The following STARD4 variants were observed in gnomAD, a reference collection of about 807,000 sequenced individuals.
The protein encoded by STARD4 is StAR related lipid transfer domain containing 4.
A neutral mutation model predicts 24.9 loss-of-function variants in STARD4; 33 were observed. That is an observed-to-expected ratio of 1.32 (90% CI 1.00 to 1.77). The LOEUF (loss-of-function observed/expected upper bound fraction) is 1.77. Ranked by LOEUF, STARD4 falls within the 40% of genes most tolerant of loss-of-function variation. The pLI, the probability that STARD4 is intolerant of heterozygous loss-of-function variation, is 0.00. For synonymous variants in STARD4, 88 were observed against 77.4 expected (o/e 1.14, Z -0.72); for missense variants, 238 against 249.3 (o/e 0.95, Z 0.31).
rs575673383 is a variant in STARD4, at chr5:111,497,748, C to A, written c.*2138G>T. The A allele has an allele frequency of 6.6e-6, 1 of 152,084 alleles. No homozygotes were observed. Among genetic ancestry groups the A allele is most frequent in the East Asian group, 1.9e-4 (1 of 5,188 alleles). 9.4% of individuals were successfully genotyped at this position (152,084 alleles called of 1,614,324 possible). A position where few individuals can be genotyped will look rare whatever the true frequency, so the allele number is the denominator to read the frequency against. ...CGGACTCAATTATTTATGTTAATAT[C>A]CATCCCAACCCACATCATTAAGCTT... On this transcript the variant is annotated 3_prime_UTR_variant, in exon 6 of 6. Coordinates refer to ENST00000296632, the MANE Select transcript of STARD4 (RefSeq NM_139164.3).
rs950467528 is a variant in STARD4 at position 111,498,219 on chromosome 5, T to A, written c.*1667A>T. The A allele has an allele frequency of 5.3e-5, 8 of 151,968 alleles. No individual in the cohort carries two copies. Among genetic ancestry groups the A allele is most frequent in the Non-Finnish European group, 1.2e-4 (8 of 67,920 alleles). 9.4% of individuals were successfully genotyped at this position (151,968 alleles called of 1,614,324 possible). A position where few individuals can be genotyped will look rare whatever the true frequency, so the allele number is the denominator to read the frequency against. ...ATTCATCATTCTCACAGTGAAAATGTTTCCATGAGGGTAATTTTACCTAGA... is the reference window on the plus strand; with the variant it reads ...ATTCATCATTCTCACAGTGAAAATGATTCCATGAGGGTAATTTTACCTAGA... On this transcript the variant is annotated 3_prime_UTR_variant, in exon 6 of 6. Transcript: ENST00000296632.
At position 111,496,128 on chromosome 5, in the gene STARD4, ATATTC is replaced by A. The variant is rs1353856616; in HGVS notation, c.*3753_*3757del. The stretch of plus-strand genomic sequence containing the variant: ...CTAATACATATTATTAGTTTAATAA[ATATTC>A]TAGTTTTACATATTGGTTCACAAAA... On this transcript the variant is annotated 3_prime_UTR_variant, in exon 6 of 6. Coordinates refer to ENST00000296632, the MANE Select transcript of STARD4 (RefSeq NM_139164.3). The A allele has an allele frequency of 6.6e-6, 1 of 152,038 alleles. No individual in the cohort carries two copies. The highest frequency in any genetic ancestry group is 1.5e-5 in the Non-Finnish European group (1 of 67,968). 9.4% of individuals were successfully genotyped at this position (152,038 alleles called of 1,614,324 possible). A position where few individuals can be genotyped will look rare whatever the true frequency, so the allele number is the denominator to read the frequency against.
intron 5 of STARD4, 132 bp downstream of exon 5, chr5:111,500,870 C>T: frequency 6.3e-7 from 1 of 1,580,694 alleles, no homozygotes; most frequent in Non-Finnish European, 8.6e-7. Context: ...TAGAGTTTAG[C>T]ACTTGCAAAA....
Position 111,500,111 on chromosome 5 carries a change from A to G in STARD4, c.398-5T>C, listed in dbSNP as rs769503936. The G allele has an allele frequency of 5.6e-5, 89 of 1,587,504 alleles. No individual in the cohort carries two copies. The highest frequency in any genetic ancestry group is 7.4e-5 in the Non-Finnish European group (86 of 1,163,192). On this transcript the variant is annotated splice_region_variant and splice_polypyrimidine_tract_variant and intron_variant, in intron 5 of 5. Transcript: ENST00000296632. ...CATCCCAGTCAAGACTTATTCCTAT[A>G]AGGCAATTTTTAAAATAGCACTATT...
chr5:111,506,229 T>C (rs921602190), intron 3 of STARD4, 101 bp downstream of exon 3: 7 of 299,804 alleles, frequency 2.3e-5, no homozygotes, highest in South Asian at 8.5e-5. Context: ...GTTAAAGAAC[T>C]CTTAAAAAGC....
intron 3 of STARD4, chr5:111,505,031 T>C (rs568580898): frequency 9.5e-5 from 43 of 454,616 alleles, no homozygotes; most frequent in Non-Finnish European, 1.8e-4. Flanking sequence ...TGATCACATA[T>C]CCCTTTAAGA....
At chr5:111,505,809 A>G (rs1000232732) in intron 3 of STARD4, among the ~76,000 whole-genome samples, 1 of 152,164 alleles carries the variant, frequency 6.6e-6, no homozygotes, top group African/African-American at 2.4e-5. Context: ...GTCATTTTAT[A>G]TCATTATTTA....
rs1038230261 is a variant in STARD4 at position 111,497,872 on chromosome 5, C to T, written c.*2014G>A. ...CTCCACTCTTAAAAATGAAACCAAA[C>T]ATAACCTGCTGTAATTATCCTGGCA... On this transcript the variant is annotated 3_prime_UTR_variant, in exon 6 of 6. Transcript: ENST00000296632. 1 of 151,962 alleles carries T rather than the reference C, an allele frequency of 6.6e-6. No homozygotes were observed. The highest frequency in any genetic ancestry group is 2.4e-5 in the African/African-American group (1 of 41,416). 9.4% of individuals were successfully genotyped at this position (151,962 alleles called of 1,614,324 possible).
chr5:111,502,920 T>C (rs1756572595), intron 3 of STARD4, among the ~76,000 whole-genome samples: 1 of 152,008 alleles, frequency 6.6e-6, no homozygotes, highest in Non-Finnish European at 1.5e-5. Flanking sequence ...TCAAATCTAA[T>C]AAGAGAACTG....
Position 111,496,735 on chromosome 5 carries a change from A to G in STARD4, c.*3151T>C, listed in dbSNP as rs1007512927. ...TGTTGATAAAATGCCCTTTGGTTAG[A>G]AAAGGAGGAGGAGAGAGAAGGGAGG... On this transcript the variant is annotated 3_prime_UTR_variant, in exon 6 of 6. Transcript: ENST00000296632. The G allele has an allele frequency of 6.6e-6, 1 of 152,048 alleles. No individual in the cohort carries two copies. Among genetic ancestry groups the G allele is most frequent in the East Asian group, 1.9e-4 (1 of 5,190 alleles). 9.4% of individuals were successfully genotyped at this position (152,048 alleles called of 1,614,324 possible).
At chr5:111,504,700 A>G (rs1465043157) in intron 3 of STARD4, among the ~76,000 whole-genome samples, 2 of 152,158 alleles carry the variant, frequency 1.3e-5, no homozygotes, top group Non-Finnish European at 2.9e-5. Flanking sequence ...CTCATCTTGT[A>G]TTCTTTAACT....
chr5:111,503,028 T>C (rs897063379), intron 3 of STARD4, among the ~76,000 whole-genome samples: 23 of 152,144 alleles, frequency 1.5e-4, no homozygotes, highest in Non-Finnish European at 3.4e-4. Flanking sequence ...TTCCACTTAT[T>C]TTTATATTCT....
At position 111,497,270 on chromosome 5, in the gene STARD4, C is replaced by A. The variant is rs1756149121; in HGVS notation, c.*2616G>T. The A allele has an allele frequency of 1.3e-5, 2 of 151,964 alleles. No homozygotes were observed. Among genetic ancestry groups the A allele is most frequent in the Admixed American group, 6.6e-5 (1 of 15,248 alleles). The allele number at this position is 151,964 out of a possible 1,614,324, so 9.4% of individuals were successfully genotyped here. The stretch of plus-strand genomic sequence containing the variant: ...GGCAATAATTTTATCTCATTGACAA[C>A]TGATTTATATCTAAAGTTTAGATGT... On this transcript the variant is annotated 3_prime_UTR_variant, in exon 6 of 6. Transcript: ENST00000296632.
At position 111,507,381 on chromosome 5, in the gene STARD4, A is replaced by G; in HGVS notation, c.53T>C (p.Leu18Pro). 1 of 1,613,738 alleles carries G rather than the reference A, an allele frequency of 6.2e-7. No homozygotes were observed. Among genetic ancestry groups the G allele is most frequent in the African/African-American group, 1.3e-5 (1 of 75,026 alleles). Residue 18 changes from leucine to proline, a missense_variant, in exon 2 of 6, where the codon CTC becomes CCC. Coordinates refer to ENST00000296632, the MANE Select transcript of STARD4 (RefSeq NM_139164.3). The surrounding 1 kb of genome is among the most constrained non-coding windows in gnomAD (Gnocchi z 4.4). ...TTCTTCAATGCTATGGTACTGGATG[A>G]GAGTGTTTTTAAGTTTAGTTGCAAA... Reference protein sequence around the residue: ...ASFATKLKNTLIQYHSIEEDK... With the variant: ...ASFATKLKNTPIQYHSIEEDK...
At position 111,501,111 on chromosome 5, in the gene STARD4, G is replaced by A; in HGVS notation, c.288C>T (p.Cys96=). 1 of 1,588,136 alleles carries A rather than the reference G, an allele frequency of 6.3e-7. No individual in the cohort carries two copies. The highest frequency in any genetic ancestry group is 1.4e-5 in the African/African-American group (1 of 73,182). ...CAGCAGTAGTGTAACGCATCACACA[G>A]CAATTCTGAAAAAGAAGAGATAAGA... ...LDILENFEEN[C]CVMRYTTAGQ... Residue 96 remains cysteine, a synonymous_variant, in exon 5 of 6, where the codon TGC becomes TGT. Coordinates refer to ENST00000296632, the MANE Select transcript of STARD4 (RefSeq NM_139164.3).
intron 3 of STARD4, 110 bp from the exon 4 acceptor site, chr5:111,502,198 G>A: frequency 1.6e-6 from 2 of 1,289,832 alleles, no homozygotes; most frequent in East Asian, 2.4e-5. Flanking sequence ...GCCGGGTAGG[G>A]TGGCTCATGT....
chr5:111,506,460 A>G lies in STARD4; in HGVS notation c.106-81T>C. On this transcript the variant is annotated intron_variant, in intron 2 of 5. Transcript: ENST00000296632. The stretch of plus-strand genomic sequence containing the variant: ...AAAACTGATAATTTTATAAGTCTAT[A>G]GAATTTGTCTTTGCATTAAAATAAA... 1.0e-5 allele frequency: 6 copies of G among 578,390 alleles called. No homozygotes were observed. The South Asian group carries it at 2.1e-4, about 20-fold the overall frequency. 35.8% of individuals were successfully genotyped at this position (578,390 alleles called of 1,614,324 possible). A position where few individuals can be genotyped will look rare whatever the true frequency, so the allele number is the denominator to read the frequency against.
rs144206705 is a variant in STARD4, at chr5:111,511,983, C to T, written c.-10+402G>A. Among the ~76,000 whole-genome samples the T allele has an allele frequency of 3.5e-3, 536 of 152,320 alleles. 1 individual carries two copies. The highest frequency in any genetic ancestry group is 0.012 in the African/African-American group (518 of 41,570). On this transcript the variant is annotated intron_variant, in intron 1 of 5. Coordinates refer to ENST00000296632, the MANE Select transcript of STARD4 (RefSeq NM_139164.3). The stretch of plus-strand genomic sequence containing the variant: ...CGCGGCTGCCCCTGCGCTGTCTGTG[C>T]ACCTCCTAAGAACCAGGAAGCGCGG...
At chr5:111,505,000 C>A in intron 3 of STARD4, 1 of 454,790 alleles carries the variant, frequency 2.2e-6, no homozygotes, top group Non-Finnish European at 4.4e-6. Flanking sequence ...TCCAACTCAA[C>A]ACATCAGGTC....
Sources: gnomAD v4.1 joint callset for allele counts (sites outside exome capture counted in the v4.1 genomes callset) on GRCh38, gnomAD v4.1.1 for gene constraint, Gnocchi (gnomAD v3.1) non-coding constraint, MANE v1.5 for transcripts, NCBI Gene and HGNC (gene_info 2026-07-23, HGNC 2026-07-21) for gene names.